GTF2A1L: variants seen among roughly 807,000 people sequenced by gnomAD.
The protein encoded by GTF2A1L is TFIIA-alpha and beta-like factor.
A neutral mutation model predicts 49.7 loss-of-function variants in GTF2A1L; 48 were observed. The observed-to-expected ratio is 0.97, with a 90% confidence interval of 0.77 to 1.23. GTF2A1L has a LOEUF of 1.23. Among genes scored for constraint, GTF2A1L ranks in the 50% most tolerant of loss-of-function variants. The pLI, the probability that GTF2A1L is intolerant of heterozygous loss-of-function variation, is 0.00. For missense variants in GTF2A1L, 736 were observed against 564.8 expected (o/e 1.30, Z -3.07); for synonymous variants, 246 against 193.5 (o/e 1.27, Z -2.25).
chr2:48,648,086 A>G (rs986925136), intron 6 of GTF2A1L, among the ~76,000 whole-genome samples: 2 of 152,118 alleles, frequency 1.3e-5, no homozygotes, highest in African/African-American at 4.8e-5. Context: ...AAGGCCAGGA[A>G]CAAAGAAAAT....
rs1214648400 is a variant in GTF2A1L at position 48,629,111 on chromosome 2, C to T, written c.247+7821C>T. Among the ~76,000 whole-genome samples, 10 of 142,620 alleles carry T rather than the reference C, an allele frequency of 7.0e-5. 1 individual carries two copies. The highest frequency in any genetic ancestry group is 2.5e-4 in the African/African-American group (10 of 40,198). 93.6% of individuals were successfully genotyped at this position (142,620 alleles called of 152,430 possible). A position where few individuals can be genotyped will look rare whatever the true frequency, so the allele number is the denominator to read the frequency against. The stretch of plus-strand genomic sequence containing the variant: ...CAAAAATTAGCCAGGCTTGGTGGTG[C>T]GTGCCTGTAATCCCAGCTGCTCAGG... On this transcript the variant is annotated intron_variant, in intron 3 of 8. Coordinates refer to ENST00000403751, the MANE Select transcript of GTF2A1L (RefSeq NM_006872.5).
intron 6 of GTF2A1L, among the ~76,000 whole-genome samples, chr2:48,649,511 C>G (rs1185534677): frequency 6.6e-6 from 1 of 152,184 alleles, no homozygotes; most frequent in African/African-American, 2.4e-5. Context: ...AATCCCTTCT[C>G]TATTCCTTAA....
At chr2:48,626,147 C>T (rs2104085515) in intron 3 of GTF2A1L, among the ~76,000 whole-genome samples, 1 of 144,096 alleles carries the variant, frequency 6.9e-6, no homozygotes, top group South Asian at 2.3e-4. Flanking sequence ...CCATTGTGTC[C>T]TCTTAGCACC....
chr2:48,621,536 A>G (rs1675999915), intron 3 of GTF2A1L, among the ~76,000 whole-genome samples: 1 of 152,236 alleles, frequency 6.6e-6, no homozygotes, highest in Admixed American at 6.5e-5. Context: ...CTTTCTTTAG[A>G]GGAAAGTCAC....
intron 3 of GTF2A1L, among the ~76,000 whole-genome samples, chr2:48,624,545 A>G (rs1676199874): frequency 6.9e-6 from 1 of 144,338 alleles, no homozygotes; most frequent in Non-Finnish European, 1.6e-5. Context: ...ATAGGTGCTC[A>G]TTTTAGGTAC....
intron 8 of GTF2A1L, among the ~76,000 whole-genome samples, chr2:48,672,211 T>G (rs1456705468): frequency 6.6e-6 from 1 of 152,162 alleles, no homozygotes; most frequent in Admixed American, 6.5e-5. Context: ...AAGCATCAGA[T>G]AGAATAGCCC....
intron 6 of GTF2A1L, among the ~76,000 whole-genome samples, chr2:48,648,701 G>A (rs1242550669): frequency 6.6e-6 from 1 of 152,032 alleles, no homozygotes; most frequent in Non-Finnish European, 1.5e-5. Context: ...TAAAGCTTCT[G>A]GCACCATAGT....
chr2:48,674,454 T>G (rs1679352914), intron 8 of GTF2A1L, among the ~76,000 whole-genome samples: 1 of 152,176 alleles, frequency 6.6e-6, no homozygotes, highest in African/African-American at 2.4e-5. Context: ...AAAAGAAATC[T>G]TTTTCTCTGA....
At chr2:48,640,260 T>A (rs1450105179) in intron 3 of GTF2A1L, among the ~76,000 whole-genome samples, 1 of 152,180 alleles carries the variant, frequency 6.6e-6, no homozygotes, top group African/African-American at 2.4e-5. Context: ...ATTACAGCAC[T>A]TTTCACAATA....
At chr2:48,662,508 A>T (rs996667059) in intron 6 of GTF2A1L, among the ~76,000 whole-genome samples, 1 of 152,092 alleles carries the variant, frequency 6.6e-6, no homozygotes. Flanking sequence ...TTTTTAAAGG[A>T]TGGTAAGGCA....
intron 2 of GTF2A1L, 89 bp from the exon 3 acceptor site, chr2:48,621,075 TGAC>T: frequency 6.6e-7 from 1 of 1,518,238 alleles, no homozygotes; most frequent in Non-Finnish European, 8.8e-7. Flanking sequence ...GCCATCAGGA[TGAC>T]GTTAGTTTTT....
chr2:48,655,479 C>CACCAT, intron 6 of GTF2A1L, among the ~76,000 whole-genome samples: 1 of 152,124 alleles, frequency 6.6e-6, no homozygotes, highest in Middle Eastern at 3.4e-3. Flanking sequence ...ACGTATGAGC[C>CACCAT]ACCATGCCCA....
chr2:48,648,740 A>G (rs1359733598), intron 6 of GTF2A1L, among the ~76,000 whole-genome samples: 1 of 152,144 alleles, frequency 6.6e-6, no homozygotes, highest in Non-Finnish European at 1.5e-5. Flanking sequence ...ATTATGCTCT[A>G]TGAGCTTGTA....
chr2:48,646,027 C>T (rs1301988394), intron 5 of GTF2A1L, among the ~76,000 whole-genome samples: 1 of 151,370 alleles, frequency 6.6e-6, no homozygotes, highest in Non-Finnish European at 1.5e-5. Context: ...TCATTAAACT[C>T]TCTTTTGGAT....
intron 6 of GTF2A1L, among the ~76,000 whole-genome samples, chr2:48,654,492 C>T (rs947229747): frequency 2.0e-5 from 3 of 152,050 alleles, no homozygotes; most frequent in Non-Finnish European, 2.9e-5. Context: ...AAGCGATTCT[C>T]CTGTCTCAGT....
At chr2:48,642,132 T>A (rs557547605) in intron 3 of GTF2A1L, among the ~76,000 whole-genome samples, 42 of 152,254 alleles carry the variant, frequency 2.8e-4, no homozygotes, top group South Asian at 8.3e-4. Context: ...AATCTAGGTG[T>A]TTTGTTATGG....
rs1253676726 is a variant in GTF2A1L, at chr2:48,679,527, T to C, written c.*85T>C. 2 of 1,568,110 alleles carry C rather than the reference T, an allele frequency of 1.3e-6. No individual in the cohort carries two copies. Among genetic ancestry groups the C allele is most frequent in the Admixed American group, 4.0e-5 (2 of 49,656 alleles). On this transcript the variant is annotated 3_prime_UTR_variant, in exon 9 of 9. Transcript: ENST00000403751. The stretch of plus-strand genomic sequence containing the variant: ...GAATTCATTTTTATTTTGAATATAG[T>C]CCAGCACAGAGCTGTTCAAATTTTT...
intron 6 of GTF2A1L, among the ~76,000 whole-genome samples, chr2:48,663,631 T>A (rs1363841917): frequency 5.3e-5 from 8 of 152,198 alleles, no homozygotes; most frequent in Admixed American, 5.2e-4. Flanking sequence ...TAATAAACAT[T>A]TAAAAATTTT....
intron 3 of GTF2A1L, among the ~76,000 whole-genome samples, chr2:48,625,565 G>C (rs1676247372): frequency 1.4e-5 from 2 of 142,898 alleles, no homozygotes; most frequent in Non-Finnish European, 3.1e-5. Flanking sequence ...TTTTTAATTT[G>C]ATGTCTGTAT....
Sources: gnomAD v4.1 joint callset for allele counts (sites outside exome capture counted in the v4.1 genomes callset) on GRCh38, gnomAD v4.1.1 for gene constraint, MANE v1.5 for transcripts, NCBI Gene and HGNC (gene_info 2026-07-23, HGNC 2026-07-21) for gene names.